Variants in MRGPRX2 observed in about 807,000 individuals in gnomAD.
MRGPRX2 encodes the protein mas-related G protein-coupled receptor member X2.
For missense variants in MRGPRX2, 389 were observed against 404.5 expected (o/e 0.96, Z 0.33); for synonymous variants, 183 against 175.6 (o/e 1.04, Z -0.33).
chr11:19,060,476 C>T (rs1306192770), intron 1 of MRGPRX2, 143 bp downstream of exon 1: 1 of 152,172 alleles, frequency 6.6e-6, no homozygotes, highest in East Asian at 1.9e-4. Context: ...CCATTCGGAT[C>T]TCCCAGCATC....
rs374097959 is a variant in MRGPRX2, at chr11:19,056,291, G to T, written c.112C>A (p.Leu38Ile). The T allele has an allele frequency of 6.2e-7, 1 of 1,614,226 alleles. No homozygotes were observed. Among genetic ancestry groups the T allele is most frequent in the Admixed American group, 1.7e-5 (1 of 60,032 alleles). Reference protein sequence around the residue: ...KETLIPVFLILFIALVGLVGN... With the variant: ...KETLIPVFLIIFIALVGLVGN... ...ACCAGCCCGACCAGGGCAATGAAAA[G>T]GATCAGGAAGACCGGGATCAGGGTC... Residue 38 changes from leucine (L) to isoleucine (I), a missense_variant, in exon 2 of 2, where the codon CTT becomes ATT. Transcript: ENST00000329773.
Position 19,055,646 on chromosome 11 carries a change from AATCCTTCCAG to A in MRGPRX2, c.747_756del (p.Trp250LeufsTer123), listed in dbSNP as rs766881759. The A allele has an allele frequency of 2.5e-6, 4 of 1,614,234 alleles. No homozygotes were observed. Among genetic ancestry groups the A allele is most frequent in the Admixed American group, 1.7e-5 (1 of 60,030 alleles). On this transcript the variant is annotated frameshift_variant, in exon 2 of 2. Coordinates refer to ENST00000329773, the MANE Select transcript of MRGPRX2 (RefSeq NM_054030.4). LOFTEE classifies it low-confidence loss of function (END_TRUNC). ...TGAATATGACAAAATAAGACATCAGAATCCTTCCAGATCCATAATATTAGGAACCACTGAA... is the reference window on the plus strand; with the variant it reads ...TGAATATGACAAAATAAGACATCAGAATCCATAATATTAGGAACCACTGAA...
chr11:19,059,397 G>A (rs10833052), intron 1 of MRGPRX2, among the ~76,000 whole-genome samples: 89,282 of 152,024 alleles, frequency 0.59, 26,553 homozygotes, highest in Admixed American at 0.66. Flanking sequence ...CCCAAGTCTA[G>A]TAAACATTCT....
At position 19,056,181 on chromosome 11, in the gene MRGPRX2, G is replaced by C. The variant is rs138118676; in HGVS notation, c.222C>G (p.Ala74=). Residue 74 remains alanine, a synonymous_variant, in exon 2 of 2, where the codon GCC becomes GCG. Coordinates refer to ENST00000329773, the MANE Select transcript of MRGPRX2 (RefSeq NM_054030.4). ...FSVYVLSLAG[A]DFLFLCFQII... ...TCTGGAAGCAGAGGAAGAGGAAGTCGGCCCCGGCCAGGCTGAGGACGTAGA... is the reference window on the plus strand; with the variant it reads ...TCTGGAAGCAGAGGAAGAGGAAGTCCGCCCCGGCCAGGCTGAGGACGTAGA... 340 of 1,614,146 alleles carry C rather than the reference G, an allele frequency of 2.1e-4. No homozygotes were observed. The African/African-American group carries it at 3.5e-3, about 17-fold the overall frequency.
intron 1 of MRGPRX2, among the ~76,000 whole-genome samples, chr11:19,057,296 T>C (rs1849628342): frequency 2.0e-5 from 3 of 152,198 alleles, no homozygotes; most frequent in South Asian, 4.1e-4. Context: ...CCTACACAGA[T>C]AGTGAATAAT....
Position 19,056,300 on chromosome 11 carries a change from A to C in MRGPRX2, c.103T>G (p.Phe35Val). The change falls in exon 2 of 2, where the codon TTC becomes GTC. Residue 35 changes from phenylalanine (F) to valine (V), a missense_variant. Coordinates refer to ENST00000329773, the MANE Select transcript of MRGPRX2 (RefSeq NM_054030.4). ...ACCAGGGCAATGAAAAGGATCAGGA[A>C]GACCGGGATCAGGGTCTCCTTGCCA... ...LCGKETLIPV[F>V]LILFIALVGL... 6.2e-7 allele frequency: 1 copy of C among 1,614,212 alleles called. No individual in the cohort carries two copies. Among genetic ancestry groups the C allele is most frequent in the Non-Finnish European group, 8.5e-7 (1 of 1,180,030 alleles).
At chr11:19,059,804 G>A (rs1849652315) in intron 1 of MRGPRX2, among the ~76,000 whole-genome samples, 1 of 152,190 alleles carries the variant, frequency 6.6e-6, no homozygotes, top group Non-Finnish European at 1.5e-5. Flanking sequence ...TCAATGGGCT[G>A]TCTTTCACTC....
chr11:19,056,171 A>G lies in MRGPRX2; in HGVS notation c.232T>C (p.Phe78Leu), dbSNP rs79763999. The change falls in exon 2 of 2, where the codon TTC becomes CTC. Residue 78 changes from phenylalanine (F) to leucine (L), a missense_variant. Physicochemically the swap from Phe to Leu is conservative, Grantham distance 22 (BLOSUM62 0). Transcript: ENST00000329773. ...CAATTTATAATCTGGAAGCAGAGGA[A>G]GAGGAAGTCGGCCCCGGCCAGGCTG... is the stretch of plus-strand genomic sequence containing the variant. ...VLSLAGADFL[F>L]LCFQIINCLV... 1,075 of 1,614,200 alleles carry G rather than the reference A, an allele frequency of 6.7e-4. 5 individuals are homozygous for G. The African/African-American group carries it at 9.9e-3, about 15-fold the overall frequency.
At position 19,055,821 on chromosome 11, in the gene MRGPRX2, T is replaced by TA; in HGVS notation, c.581dup (p.Leu194PhefsTer61). 1.2e-6 allele frequency: 2 copies of TA among 1,613,642 alleles called. No homozygotes were observed. The highest frequency in any genetic ancestry group is 1.1e-5 in the South Asian group (1 of 91,050). On this transcript the variant is annotated frameshift_variant, in exon 2 of 2. Coordinates refer to ENST00000329773, the MANE Select transcript of MRGPRX2 (RefSeq NM_054030.4). LOFTEE classifies it low-confidence loss of function (END_TRUNC). The stretch of plus-strand genomic sequence containing the variant: ...GACTGGACCCACAGAGAACCATGAA[T>TA]AAAAAAATCAGCCACGCTGCAGTGA...
In MRGPRX2 at chr11:19,055,509, C is replaced by T. The variant is rs751456144; in HGVS notation, c.894G>A (p.Leu298=). The change falls in exon 2 of 2, where the codon CTG becomes CTA. Residue 298 remains leucine, a synonymous_variant. Transcript: ENST00000329773. ...QWRLQQPILK[L]ALQRALQDIA... ...TGTCCTGCAGAGCCCTCTGGAGAGC[C>T]AGCTTGAGGATCGGCTGCTGCAGCC... is the stretch of plus-strand genomic sequence containing the variant. 5 of 1,614,146 alleles carry T rather than the reference C, an allele frequency of 3.1e-6. No individual in the cohort carries two copies. The Middle Eastern group carries it at 6.6e-4, about 213-fold the overall frequency.
chr11:19,056,036 C>A lies in MRGPRX2; in HGVS notation c.367G>T (p.Val123Phe), dbSNP rs770647561. ...ACGGACAGGCAGCGCTCGGTGCTGA[C>A]GGTGCTCAGCATGCTCAGGCCTGCA... Reference protein sequence around the residue: ...YLAGLSMLSTVSTERCLSVLW... With the variant: ...YLAGLSMLSTFSTERCLSVLW... The change falls in exon 2 of 2, where the codon GTC becomes TTC. Residue 123 changes from valine (V) to phenylalanine (F), a missense_variant. Transcript: ENST00000329773. 2 of 1,614,128 alleles carry A rather than the reference C, an allele frequency of 1.2e-6. No homozygotes were observed. The highest frequency in any genetic ancestry group is 1.1e-5 in the South Asian group (1 of 91,072).
chr11:19,055,966 G>A lies in MRGPRX2; in HGVS notation c.437C>T (p.Ser146Leu). 6.2e-7 allele frequency: 1 copy of A among 1,614,220 alleles called. No homozygotes were observed. The highest frequency in any genetic ancestry group is 2.2e-5 in the East Asian group (1 of 44,882). ...WYRCRRPRHL[S>L]AVVCVLLWAL... ...CCAGAGCAGGACACACACGACCGCT[G>A]ACAGGTGTCTGGGGCGGCGGCAGCG... The change falls in exon 2 of 2, where the codon TCA becomes TTA. Residue 146 changes from serine (S) to leucine (L), a missense_variant. By Grantham distance (145) the Ser-to-Leu change is moderately radical. Transcript: ENST00000329773.
chr11:19,054,485 C>T lies in MRGPRX2; in HGVS notation c.*925G>A, dbSNP rs949076911. On this transcript the variant is annotated 3_prime_UTR_variant, in exon 2 of 2. Transcript: ENST00000329773. ...AATTAGTATTTTATTCTGTGGAACA[C>T]GTAACTTTTAAAAATATGTGCAATT... 1 of 152,074 alleles carries T rather than the reference C, an allele frequency of 6.6e-6. No homozygotes were observed. The highest frequency in any genetic ancestry group is 6.6e-5 in the Admixed American group (1 of 15,262). 9.4% of individuals were successfully genotyped at this position (152,074 alleles called of 1,614,324 possible). A position where few individuals can be genotyped will look rare whatever the true frequency, so the allele number is the denominator to read the frequency against.
chr11:19,059,935 G>A (rs78763365), intron 1 of MRGPRX2, among the ~76,000 whole-genome samples: 4,962 of 152,220 alleles, frequency 0.033, 253 homozygotes, highest in East Asian at 0.19. Context: ...CTCTCCCTGC[G>A]CCCTGAAGGG....
At chr11:19,058,551 G>A (rs932776039) in intron 1 of MRGPRX2, among the ~76,000 whole-genome samples, 5 of 151,798 alleles carry the variant, frequency 3.3e-5, no homozygotes, top group Non-Finnish European at 5.9e-5. Context: ...CTCCCGAGTA[G>A]CTGGGACTAC....
Position 19,055,587 on chromosome 11 carries a change from G to A in MRGPRX2, c.816C>T (p.Ser272=). ...PVSVVLSSLN[S]SANPIIYFFV... ...AGAAGTAAATGATGGGGTTGGCACT[G>A]CTGTTAAGAGATGACAGGACAACTG... is the stretch of plus-strand genomic sequence containing the variant. The change falls in exon 2 of 2, where the codon AGC becomes AGT. Residue 272 remains serine, a synonymous_variant. Coordinates refer to ENST00000329773, the MANE Select transcript of MRGPRX2 (RefSeq NM_054030.4). The A allele has an allele frequency of 6.2e-7, 1 of 1,614,204 alleles. No individual in the cohort carries two copies. Among genetic ancestry groups the A allele is most frequent in the Non-Finnish European group, 8.5e-7 (1 of 1,180,034 alleles).
At chr11:19,060,082 C>G (rs1379346638) in intron 1 of MRGPRX2, among the ~76,000 whole-genome samples, 1 of 152,156 alleles carries the variant, frequency 6.6e-6, no homozygotes. Flanking sequence ...TTCTCTTTCT[C>G]CTTATCACTT....
At chr11:19,059,243 C>T (rs569318914) in intron 1 of MRGPRX2, among the ~76,000 whole-genome samples, 9 of 152,268 alleles carry the variant, frequency 5.9e-5, no homozygotes, top group South Asian at 2.1e-4. Context: ...TACTCCTGTA[C>T]TCTTTCTTTT....
intron 1 of MRGPRX2, 22 bp from the exon 2 acceptor site, chr11:19,056,449 G>A: frequency 6.4e-7 from 1 of 1,573,354 alleles, no homozygotes; most frequent in South Asian, 1.2e-5. Context: ...AACAAGACTT[G>A]AGCACCTGCT....
Sources: gnomAD v4.1 joint callset for allele counts (sites outside exome capture counted in the v4.1 genomes callset) on GRCh38, gnomAD v4.1.1 for gene constraint, MANE v1.5 for transcripts, NCBI Gene and HGNC (gene_info 2026-07-23, HGNC 2026-07-21) for gene names.